IQGAP2: variants seen among roughly 807,000 people sequenced by gnomAD.
IQGAP2 encodes ras GTPase-activating-like protein IQGAP2.
Under a neutral mutation model 201.3 loss-of-function variants are expected in IQGAP2, and 173 were observed. The ratio of observed to expected loss-of-function variants is 0.86; its 90% CI spans 0.76 to 0.98. The LOEUF is 0.98. IQGAP2 is among the 50% of genes least tolerant of loss of function. The pLI is 0.00. For synonymous variants in IQGAP2, 675 were observed against 673.9 expected (o/e 1.00, Z -0.03); for missense variants, 1,687 against 1,864.8 (o/e 0.90, Z 1.76).
intron 2 of IQGAP2, among the ~76,000 whole-genome samples, chr5:76,479,367 T>G (rs1755640116): frequency 6.6e-6 from 1 of 152,122 alleles, no homozygotes; most frequent in Non-Finnish European, 1.5e-5. Context: ...TAGAGAGGCT[T>G]TGTGAGGGAC....
At chr5:76,618,660 T>C (rs1208558937) in intron 13 of IQGAP2, 1 of 1,576,422 alleles carries the variant, frequency 6.3e-7, no homozygotes, top group Non-Finnish European at 8.7e-7. Flanking sequence ...TGAAAGAAAG[T>C]ATTAACATAA....
chr5:76,510,811 GACACACCT>G (rs1580352984), intron 2 of IQGAP2: 2 of 444,868 alleles, frequency 4.5e-6, no homozygotes, highest in East Asian at 1.2e-4. Flanking sequence ...GAGCCCAGAA[GACACACCT>G]GGCCTCCAGC....
rs780254641 is a variant in IQGAP2 at position 76,481,386 on chromosome 5, G to GT, written c.146+19730dup. 8.5e-3 allele frequency among the ~76,000 whole-genome samples: 1,230 copies of GT among 145,218 alleles called. 7 individuals are homozygous for GT. The highest frequency in any genetic ancestry group is 0.022 in the African/African-American group (873 of 39,958). On this transcript the variant is annotated intron_variant, in intron 2 of 35. Transcript: ENST00000274364. ...AATACATAATCAATGTACAAAAAAA[G>GT]TTTTTTTTTTTTTCGAGATGGAGTC...
In IQGAP2 at chr5:76,539,616, C is replaced by T. The variant is rs142393682; in HGVS notation, c.147-22780C>T. Among the ~76,000 whole-genome samples the T allele has an allele frequency of 1.2e-4, 19 of 152,284 alleles. 1 individual carries two copies. The highest frequency in any genetic ancestry group is 2.4e-4 in the African/African-American group (10 of 41,556). ...TTGGGGAAGCAGACAGTAACCTGCA[C>T]TAGAACCTTGCCCTCCCCATAAAGC... On this transcript the variant is annotated intron_variant, in intron 2 of 35. Coordinates refer to ENST00000274364, the MANE Select transcript of IQGAP2 (RefSeq NM_006633.5).
At chr5:76,419,739 A>G (rs191022687) in intron 1 of IQGAP2, among the ~76,000 whole-genome samples, 77 of 151,090 alleles carry the variant, frequency 5.1e-4, no homozygotes, top group Admixed American at 3.5e-3. Flanking sequence ...TACAATGAAC[A>G]TCTATTCCCT....
chr5:76,594,922 C>T (rs755514952), intron 9 of IQGAP2, among the ~76,000 whole-genome samples: 9 of 151,408 alleles, frequency 5.9e-5, no homozygotes, highest in South Asian at 2.1e-4. Context: ...GCTGAGATTG[C>T]GCCACTACAC....
chr5:76,420,902 G>A (rs374818823), intron 1 of IQGAP2, among the ~76,000 whole-genome samples: 2 of 152,120 alleles, frequency 1.3e-5, no homozygotes, highest in Non-Finnish European at 1.5e-5. Context: ...GCATGTATCC[G>A]TACTTCCTTT....
At chr5:76,490,987 CTTTTTTTTTTT>C (rs767214200) in intron 2 of IQGAP2, among the ~76,000 whole-genome samples, 1 of 113,028 alleles carries the variant, frequency 8.8e-6, no homozygotes. Flanking sequence ...AGATTTTCAT[CTTTTTTTTTTT>C]TTTTTTTTTG....
intron 16 of IQGAP2, 149 bp downstream of exon 16, chr5:76,637,325 ATG>A (rs1302523332): frequency 3.3e-6 from 2 of 597,430 alleles, no homozygotes; most frequent in African/African-American, 3.8e-5. Context: ...CTGCAGTTGA[ATG>A]TGGCTGCATT....
At chr5:76,638,897 G>T (rs1432001821) in intron 16 of IQGAP2, among the ~76,000 whole-genome samples, 1 of 152,184 alleles carries the variant, frequency 6.6e-6, no homozygotes, top group Non-Finnish European at 1.5e-5. Context: ...TCTGAAGTTG[G>T]TGGGCAGCCA....
intron 4 of IQGAP2, among the ~76,000 whole-genome samples, chr5:76,571,266 T>C (rs957722467): frequency 3.3e-5 from 5 of 152,054 alleles, no homozygotes; most frequent in Non-Finnish European, 7.4e-5. Flanking sequence ...CCGCCTCCCA[T>C]GTTCAAGTGA....
At chr5:76,552,430 G>A (rs926217364) in intron 2 of IQGAP2, among the ~76,000 whole-genome samples, 1 of 152,128 alleles carries the variant, frequency 6.6e-6, no homozygotes, top group Admixed American at 6.5e-5. Flanking sequence ...GGTTTGTTTA[G>A]CCTAACAATT....
intron 20 of IQGAP2, among the ~76,000 whole-genome samples, chr5:76,656,423 C>T (rs891642689): frequency 2.6e-5 from 4 of 152,004 alleles, no homozygotes; most frequent in East Asian, 1.9e-4. Context: ...CCTTGTGGTC[C>T]GCCCGCCTCG....
At chr5:76,422,158 C>T (rs1240347087) in intron 1 of IQGAP2, among the ~76,000 whole-genome samples, 2 of 152,174 alleles carry the variant, frequency 1.3e-5, no homozygotes, top group African/African-American at 4.8e-5. Flanking sequence ...TGAGATGAGA[C>T]TGGCCTGGGG....
At chr5:76,456,139 C>G (rs1319522052) in intron 1 of IQGAP2, among the ~76,000 whole-genome samples, 2 of 152,170 alleles carry the variant, frequency 1.3e-5, no homozygotes, top group East Asian at 3.8e-4. Context: ...TACTAAGCAC[C>G]TATTATTTCT....
At chr5:76,544,280 C>T (rs1490675432) in intron 2 of IQGAP2, among the ~76,000 whole-genome samples, 1 of 152,158 alleles carries the variant, frequency 6.6e-6, no homozygotes, top group African/African-American at 2.4e-5. Flanking sequence ...AGTAAAGACC[C>T]TGAATCCCCC....
chr5:76,634,511 C>T (rs1366688475), intron 15 of IQGAP2, among the ~76,000 whole-genome samples: 6 of 152,088 alleles, frequency 3.9e-5, no homozygotes, highest in African/African-American at 1.2e-4. Flanking sequence ...TCACCTGCCT[C>T]GGCCTCCCAA....
At chr5:76,664,467 G>C (rs938032928) in intron 21 of IQGAP2, among the ~76,000 whole-genome samples, 1 of 152,324 alleles carries the variant, frequency 6.6e-6, no homozygotes, top group Non-Finnish European at 1.5e-5. Context: ...GGTGGATCAA[G>C]AGGGCAGGAG....
intron 17 of IQGAP2, among the ~76,000 whole-genome samples, chr5:76,646,136 A>C (rs371594445): frequency 2.0e-5 from 3 of 152,138 alleles, no homozygotes; most frequent in Admixed American, 6.5e-5. Flanking sequence ...AGGAACTGTT[A>C]AGATCCATCA....
Sources: allele counts gnomAD v4.1 joint callset (sites outside exome capture counted in the v4.1 genomes callset), GRCh38; gene constraint gnomAD v4.1.1; transcripts MANE v1.5; gene names NCBI Gene and HGNC (gene_info 2026-07-23, HGNC 2026-07-21).